Variants in IFRD1 observed in about 807,000 individuals in gnomAD.
The protein encoded by IFRD1 is interferon related developmental regulator 1.
In IFRD1, 35 loss-of-function variants were observed where a neutral mutation model predicts 52.9. The observed-to-expected ratio is 0.66, with a 90% CI of 0.51 to 0.88. The LOEUF is 0.88. Ranked by LOEUF, IFRD1 falls within the 40% of genes least tolerant of loss-of-function variation. IFRD1 has a pLI of 0.00. For synonymous variants in IFRD1, 184 were observed against 188.4 expected (o/e 0.98, Z 0.19); for missense variants, 517 against 550.8 (o/e 0.94, Z 0.61).
chr7:112,449,995 G>A (rs866263607), upstream of IFRD1: 1 of 153,050 alleles, frequency 6.5e-6, no homozygotes, highest in Middle Eastern at 3.4e-3. Context: ...GGGAAGTAGG[G>A]GAAAGGTTAA....
chr7:112,449,483 G>A (rs913627827), upstream of IFRD1, among the ~76,000 whole-genome samples: 8 of 152,224 alleles, frequency 5.3e-5, no homozygotes, highest in African/African-American at 1.7e-4. Flanking sequence ...CTGAGAGGTG[G>A]AGTGGCGGAT....
intron 1 of IFRD1, among the ~76,000 whole-genome samples, chr7:112,431,698 C>T (rs1034315916): frequency 6.6e-6 from 1 of 152,220 alleles, no homozygotes; most frequent in Non-Finnish European, 1.5e-5. Flanking sequence ...ATAGGGGTTA[C>T]TCTCTCTGCC....
intron 4 of IFRD1, 81 bp downstream of exon 4, chr7:112,457,119 C>A: frequency 7.3e-7 from 1 of 1,370,934 alleles, no homozygotes; most frequent in Non-Finnish European, 1.0e-6. Flanking sequence ...TTAGTAATAG[C>A]ACTGGAACAC....
At chr7:112,449,569 A>C (rs1434942411), upstream of IFRD1, among the ~76,000 whole-genome samples, 1 of 152,218 alleles carries the variant, frequency 6.6e-6, no homozygotes, top group African/African-American at 2.4e-5. Flanking sequence ...AACAGGCTCT[A>C]AATACTAGAC....
In IFRD1 at chr7:112,472,807, A is replaced by G; in HGVS notation, c.1212A>G (p.Pro404=). The G allele has an allele frequency of 1.2e-6, 2 of 1,613,556 alleles. No homozygotes were observed. Among genetic ancestry groups the G allele is most frequent in the Non-Finnish European group, 1.7e-6 (2 of 1,179,450 alleles). Residue 404 remains proline, a synonymous_variant, in exon 11 of 12, where the codon CCA becomes CCG. Coordinates refer to ENST00000403825, the MANE Select transcript of IFRD1 (RefSeq NM_001550.4). ...FLRNVFELGP[P]VMLDAATLKT... ...GAAATGTATTTGAACTTGGACCCCC[A>G]GTGATGCTTGATGCTGCAACGCTTA...
chr7:112,431,385 C>A (rs1794544532), intron 1 of IFRD1, among the ~76,000 whole-genome samples: 1 of 152,174 alleles, frequency 6.6e-6, no homozygotes, highest in Non-Finnish European at 1.5e-5. Context: ...AAACAGGACT[C>A]TGCTACTACC....
At chr7:112,426,612 G>A (rs936408689) in intron 1 of IFRD1, among the ~76,000 whole-genome samples, 2 of 152,116 alleles carry the variant, frequency 1.3e-5, no homozygotes, top group African/African-American at 4.8e-5. Context: ...CTTGGCCAAG[G>A]GGATTCCAAA....
intron 1 of IFRD1, chr7:112,435,662 T>TGTGTGTGTGTGTGTG (rs1238450260): frequency 1.6e-4 from 2 of 12,534 alleles, no homozygotes; most frequent in East Asian, 2.5e-3. Flanking sequence ...GTGTGCGTGC[T>TGTGTGTGTGTGTGTG]TGTAAAAAAT....
At position 112,476,604 on chromosome 7, in the gene IFRD1, T is replaced by TTGTGCCA. The variant is rs1795909739; in HGVS notation, c.*1085_*1086insTGTGCCA. ...AGGAGGTCAAAGCTGCAGTGAGCCGTGATTGTGCCACTCCAGCCTGGGTGA... is the reference window on the plus strand; with the variant it reads ...AGGAGGTCAAAGCTGCAGTGAGCCGTTGTGCCAGATTGTGCCACTCCAGCCTGGGTGA... On this transcript the variant is annotated 3_prime_UTR_variant, in exon 12 of 12. Coordinates refer to ENST00000403825, the MANE Select transcript of IFRD1 (RefSeq NM_001550.4). 6.6e-6 allele frequency: 1 copy of TTGTGCCA among 152,052 alleles called. No homozygotes were observed. The highest frequency in any genetic ancestry group is 2.4e-5 in the African/African-American group (1 of 41,386). The allele number at this position is 152,052 out of a possible 1,614,324, so 9.4% of individuals were successfully genotyped here.
At chr7:112,445,274 G>T (rs975152801) in intron 1 of IFRD1, among the ~76,000 whole-genome samples, 4 of 151,886 alleles carry the variant, frequency 2.6e-5, no homozygotes, top group African/African-American at 7.3e-5. Context: ...CACCGTGTTA[G>T]CCAGGATGGT....
At chr7:112,467,873 C>G in intron 8 of IFRD1, 108 bp from the exon 9 acceptor site, 1 of 1,026,580 alleles carries the variant, frequency 9.7e-7, no homozygotes. Flanking sequence ...TTTACATTGC[C>G]TTATGCAACT....
intron 11 of IFRD1, 94 bp downstream of exon 11, chr7:112,472,955 A>G: frequency 1.2e-6 from 1 of 842,536 alleles, no homozygotes; most frequent in Non-Finnish European, 2.0e-6. Context: ...CTATATGTGG[A>G]GTTTTAGTTT....
Position 112,475,639 on chromosome 7 carries a change from T to A in IFRD1, c.*120T>A. On this transcript the variant is annotated 3_prime_UTR_variant, in exon 12 of 12. Coordinates refer to ENST00000403825, the MANE Select transcript of IFRD1 (RefSeq NM_001550.4). Reference sequence around the variant, plus strand: ...TAGATAACTTTTGTAGCAGTGGTTATATTGCTTATAATTTAATGTACAATA... The same window carrying A: ...TAGATAACTTTTGTAGCAGTGGTTAAATTGCTTATAATTTAATGTACAATA... 1.5e-6 allele frequency: 1 copy of A among 675,378 alleles called. No individual in the cohort carries two copies. The highest frequency in any genetic ancestry group is 2.6e-6 in the Non-Finnish European group (1 of 382,716). 41.8% of individuals were successfully genotyped at this position (675,378 alleles called of 1,614,324 possible).
intron 11 of IFRD1, among the ~76,000 whole-genome samples, chr7:112,473,881 T>G (rs1327155815): frequency 6.6e-6 from 1 of 152,210 alleles, no homozygotes; most frequent in Non-Finnish European, 1.5e-5. Flanking sequence ...AAGAAAACCT[T>G]CTGTTCATTA....
chr7:112,423,593 T>A (rs968615225), intron 1 of IFRD1, among the ~76,000 whole-genome samples: 1 of 152,044 alleles, frequency 6.6e-6, no homozygotes, highest in Non-Finnish European at 1.5e-5. Flanking sequence ...TTCTTTGAGA[T>A]TGAACAAAAA....
At chr7:112,434,297 G>T (rs1794619717) in intron 1 of IFRD1, among the ~76,000 whole-genome samples, 1 of 152,152 alleles carries the variant, frequency 6.6e-6, no homozygotes, top group African/African-American at 2.4e-5. Flanking sequence ...AGCATGAAAA[G>T]AGTTTGAAAT....
chr7:112,471,558 T>G (rs1378304712), intron 9 of IFRD1, among the ~76,000 whole-genome samples: 1 of 152,176 alleles, frequency 6.6e-6, no homozygotes, highest in Non-Finnish European at 1.5e-5. Context: ...TCTTAACAAG[T>G]TCTGCCACTA....
At position 112,468,094 on chromosome 7, in the gene IFRD1, A is replaced by C. The variant is rs1260083080; in HGVS notation, c.1020A>C (p.Arg340Ser). The C allele has an allele frequency of 6.2e-7, 1 of 1,614,062 alleles. No homozygotes were observed. The highest frequency in any genetic ancestry group is 1.3e-5 in the African/African-American group (1 of 75,036). ...AGAGAAAGCAGCGGTCAGTTTTCAG[A>C]GATGTCCTGAGGGCAGTGGAGGTAG... ...VDKRKQRSVF[R>S]DVLRAVEERD... Residue 340 changes from arginine (R) to serine (S), a missense_variant, in exon 9 of 12, where the codon AGA becomes AGC. Arg to Ser is a moderately radical substitution (Grantham distance 110, BLOSUM62 -1). Transcript: ENST00000403825.
chr7:112,446,593 G>A (rs1040315927), upstream of IFRD1, among the ~76,000 whole-genome samples: 4 of 152,142 alleles, frequency 2.6e-5, no homozygotes, highest in Non-Finnish European at 2.9e-5. Context: ...GGGTGAGGAT[G>A]CGACCTTAGA....
Sources: allele counts gnomAD v4.1 joint callset (sites outside exome capture counted in the v4.1 genomes callset), GRCh38; gene constraint gnomAD v4.1.1; transcripts MANE v1.5; gene names NCBI Gene and HGNC (gene_info 2026-07-23, HGNC 2026-07-21).